The following TDRD12 variants were observed in gnomAD, a reference collection of about 807,000 sequenced individuals.
TDRD12 encodes the protein tudor domain containing 12, also known as putative ATP-dependent RNA helicase TDRD12.
Under a neutral mutation model 133.5 loss-of-function variants are expected in TDRD12, and 158 were observed. The observed-to-expected ratio is 1.18, with a 90% CI of 1.04 to 1.35. TDRD12 has a LOEUF of 1.35. TDRD12 is among the 40% of genes most tolerant of loss of function. The pLI, the probability that TDRD12 is intolerant of heterozygous loss-of-function variation, is 0.00. For missense variants in TDRD12, 1,443 were observed against 1,321.3 expected, an observed-to-expected ratio of 1.09 and a Z score of -1.43; for synonymous variants, 460 against 477.9, an observed-to-expected ratio of 0.96 and a Z score of 0.49.
At chr19:32,733,151 G>A (rs1198072981) in intron 2 of TDRD12, among the ~76,000 whole-genome samples, 3 of 152,134 alleles carry the variant, frequency 2.0e-5, no homozygotes, top group Admixed American at 6.6e-5. Context: ...TAGCCTGGGC[G>A]AGACAGCGAG....
intron 10 of TDRD12, 42 bp from the exon 11 acceptor site, chr19:32,777,107 G>T (rs576698906): frequency 7.6e-7 from 1 of 1,311,534 alleles, no homozygotes; most frequent in African/African-American, 1.5e-5. Context: ...TGCCCAGGCT[G>T]CTGTTCACAA....
intron 13 of TDRD12, among the ~76,000 whole-genome samples, chr19:32,793,899 A>G (rs1971143020): frequency 6.9e-6 from 1 of 144,966 alleles, no homozygotes; most frequent in South Asian, 2.2e-4. Context: ...GGTTCAAGTC[A>G]TTCTCCTGCC....
At chr19:32,752,243 G>C (rs960744401) in intron 6 of TDRD12, among the ~76,000 whole-genome samples, 8 of 151,292 alleles carry the variant, frequency 5.3e-5, no homozygotes, top group African/African-American at 1.9e-4. Context: ...TCAATGGTGC[G>C]ATCTTGGCTC....
At chr19:32,753,754 T>TGATCCACCTGTCTCGGC (rs1969908047) in intron 6 of TDRD12, among the ~76,000 whole-genome samples, 1 of 151,256 alleles carries the variant, frequency 6.6e-6, no homozygotes. Flanking sequence ...CCTGACTTCG[T>TGATCCACCTGTCTCGGC]GATCCACCTG....
At chr19:32,828,629 GA>G (rs1320587220) in exon 10 of TDRD12, 9 of 151,860 alleles carry the variant, frequency 5.9e-5, no homozygotes, top group Non-Finnish European at 8.8e-5. Flanking sequence ...TTTTGTATCA[GA>G]AAGCGCCAAT....
chr19:32,779,825 A>G (rs1970709885), intron 11 of TDRD12, among the ~76,000 whole-genome samples: 1 of 152,090 alleles, frequency 6.6e-6, no homozygotes, highest in African/African-American at 2.4e-5. Context: ...TACTTTCATA[A>G]CTGGTTAAGA....
intron 16 of TDRD12, among the ~76,000 whole-genome samples, chr19:32,799,689 T>G (rs1460229925): frequency 2.0e-5 from 3 of 151,834 alleles, no homozygotes; most frequent in Non-Finnish European, 2.9e-5. Context: ...GGATATTTAT[T>G]GACTTTAAAC....
intron 8 of TDRD12, among the ~76,000 whole-genome samples, chr19:32,769,974 A>G (rs1599561938): frequency 6.8e-6 from 1 of 147,354 alleles, no homozygotes; most frequent in African/African-American, 2.5e-5. Context: ...TCTTTTCATC[A>G]TCTCATTTTG....
intron 21 of TDRD12, among the ~76,000 whole-genome samples, 199 bp downstream of exon 21, chr19:32,803,341 G>A (rs1361550358): frequency 6.6e-6 from 1 of 152,170 alleles, no homozygotes; most frequent in Non-Finnish European, 1.5e-5. Context: ...GCATGATTTT[G>A]AACTCCATAG....
At chr19:32,811,312 C>G in exon 24 of TDRD12, 1 of 1,536,096 alleles carries the variant, frequency 6.5e-7, no homozygotes, top group East Asian at 2.4e-5. Flanking sequence ...TCACAAGGGA[C>G]CAGCTGCTGC....
At chr19:32,812,661 A>G (rs1599620537) in intron 24 of TDRD12, among the ~76,000 whole-genome samples, 1 of 152,230 alleles carries the variant, frequency 6.6e-6, no homozygotes, top group Admixed American at 6.5e-5. Flanking sequence ...CCCAAGAAAC[A>G]TCTGACCTGT....
rs1969063673 is a variant in TDRD12 at position 32,731,782 on chromosome 19, C to G, written c.82C>G (p.His28Asp). The G allele has an allele frequency of 4.5e-6, 7 of 1,551,066 alleles. No individual in the cohort carries two copies. Among genetic ancestry groups the G allele is most frequent in the East Asian group, 2.4e-5 (1 of 40,876 alleles). Residue 28 changes from histidine (H) to aspartate (D), a missense_variant, in exon 2 of 28, where the codon CAT becomes GAT. Physicochemically the swap from His to Asp is moderately conservative, Grantham distance 81. Coordinates refer to ENST00000444215, the Ensembl canonical transcript of TDRD12. ...AAAAGGGTGTAGTCCCTTTTTAGATCATGATGTCGATTATCAAAAATTAAA... is the reference window on the plus strand; with the variant it reads ...AAAAGGGTGTAGTCCCTTTTTAGATGATGATGTCGATTATCAAAAATTAAA...
At chr19:32,770,262 C>T (rs1970409050) in intron 8 of TDRD12, among the ~76,000 whole-genome samples, 2 of 152,172 alleles carry the variant, frequency 1.3e-5, no homozygotes, top group South Asian at 4.2e-4. Context: ...CTGCCTTGGG[C>T]TCCCAAAGTG....
At chr19:32,811,951 C>G (rs1007644261) in intron 24 of TDRD12, among the ~76,000 whole-genome samples, 5 of 152,154 alleles carry the variant, frequency 3.3e-5, no homozygotes, top group Non-Finnish European at 5.9e-5. Flanking sequence ...ATGGGCGGTC[C>G]CAGGAGAGGC....
chr19:32,815,463 C>A (rs781673507), exon 26 of TDRD12: 1 of 1,535,726 alleles, frequency 6.5e-7, no homozygotes, highest in Non-Finnish European at 8.7e-7. Context: ...CATTACAAAC[C>A]TTTCCAGTTT....
In TDRD12 at chr19:32,728,977, C is replaced by T. The variant is rs914528767; in HGVS notation, c.25-2748C>T. On this transcript the variant is annotated intron_variant, in intron 1 of 27. Coordinates refer to ENST00000444215, the Ensembl canonical transcript of TDRD12. ...TTTTATTTTTCATTTATGAAATTTA[C>T]GTTTTCCACAGCTTGTGTGTGTGTA... 5.2e-4 allele frequency among the ~76,000 whole-genome samples: 78 copies of T among 150,716 alleles called. 1 individual carries two copies. The highest frequency in any genetic ancestry group is 1.7e-3 in the African/African-American group (68 of 41,120).
chr19:32,821,399 T>C (rs1224775794), downstream of TDRD12: 1 of 192,660 alleles, frequency 5.2e-6, no homozygotes, highest in African/African-American at 6.1e-5. Context: ...TGTGTGTGTG[T>C]GTGTGTGTGT....
intron 8 of TDRD12, among the ~76,000 whole-genome samples, chr19:32,765,495 T>C (rs1180871939): frequency 1.3e-5 from 2 of 152,008 alleles, no homozygotes; most frequent in African/African-American, 4.8e-5. Context: ...AACCCAAATG[T>C]CCAAAAATGA....
At chr19:32,755,536 G>C (rs761267857) in intron 6 of TDRD12, among the ~76,000 whole-genome samples, 1 of 152,166 alleles carries the variant, frequency 6.6e-6, no homozygotes, top group Non-Finnish European at 1.5e-5. Flanking sequence ...TGTTGATTTC[G>C]TTTTATTGAG....
Sources: allele counts gnomAD v4.1 joint callset (sites outside exome capture counted in the v4.1 genomes callset), GRCh38; gene constraint gnomAD v4.1.1; transcripts MANE v1.5; gene names NCBI Gene and HGNC (gene_info 2026-07-23, HGNC 2026-07-21).